The following ZNF536 variants were observed in gnomAD, a reference collection of about 807,000 sequenced individuals.
The protein encoded by ZNF536 is zinc finger protein 536.
Under a neutral mutation model 84.5 loss-of-function variants are expected in ZNF536, and 13 were observed. The ratio of observed to expected loss-of-function variants is 0.15; its 90% CI spans 0.10 to 0.24. The LOEUF is 0.24. Ranked by LOEUF, ZNF536 falls within the 10% of genes least tolerant of loss-of-function variation. The pLI, the probability that ZNF536 is intolerant of heterozygous loss-of-function variation, is 1.00. For synonymous variants in ZNF536, 811 were observed against 742.5 expected (o/e 1.09, Z -1.50); for missense variants, 1,536 against 1,747.5 (o/e 0.88, Z 2.16).
chr19:30,466,607 A>AG (rs1600860368), intron 2 of ZNF536, among the ~76,000 whole-genome samples: 1 of 151,504 alleles, frequency 6.6e-6, no homozygotes, highest in African/African-American at 2.4e-5. Context: ...AGAGAGAAAG[A>AG]AAAGAGAACT....
intron 1 of ZNF536, among the ~76,000 whole-genome samples, chr19:30,400,793 T>C (rs1448228405): frequency 6.6e-6 from 1 of 152,210 alleles, no homozygotes; most frequent in Non-Finnish European, 1.5e-5. Context: ...GCAAACATTT[T>C]CCCCTAGTCT....
At chr19:30,670,363 T>C (rs2050498701) in intron 1 of ZNF536, among the ~76,000 whole-genome samples, 2 of 152,206 alleles carry the variant, frequency 1.3e-5, no homozygotes, top group South Asian at 4.1e-4. Context: ...TGGCATTCAT[T>C]TGGGCTGGGT....
intron 1 of ZNF536, among the ~76,000 whole-genome samples, chr19:30,583,980 A>AGGGT (rs1384254776): frequency 6.6e-6 from 1 of 152,188 alleles, no homozygotes; most frequent in East Asian, 1.9e-4. Flanking sequence ...CCATTGGCTC[A>AGGGT]GGGTGGGATG....
chr19:30,302,688 G>A (rs146036332), intron 2 of ZNF536, among the ~76,000 whole-genome samples: 13 of 152,176 alleles, frequency 8.5e-5, no homozygotes, highest in East Asian at 3.9e-4. Context: ...CTGGTCTCAC[G>A]GACTCCAGAC....
In ZNF536 at chr19:30,402,681, C is replaced by G. The variant is rs551870158; in HGVS notation, c.-3+30125C>G. Among the ~76,000 whole-genome samples, 13 of 151,528 alleles carry G rather than the reference C, an allele frequency of 8.6e-5. No individual in the cohort carries two copies. In the South Asian group the frequency reaches 2.7e-3, roughly 32 times the overall value. Reference sequence around the variant, plus strand: ...CGCGGCCGACGTGGGTTTAAAGATGCAATTCTCAAACTGCCGCCTCCAGAG... The same window carrying G: ...CGCGGCCGACGTGGGTTTAAAGATGGAATTCTCAAACTGCCGCCTCCAGAG... On this transcript the variant is annotated intron_variant, in intron 1 of 4. Coordinates refer to ENST00000355537, the MANE Select transcript of ZNF536 (RefSeq NM_014717.3).
intron 1 of ZNF536, among the ~76,000 whole-genome samples, chr19:30,275,851 GT>G: frequency 6.6e-6 from 1 of 151,930 alleles, no homozygotes; most frequent in East Asian, 1.9e-4. Context: ...GTGTGTGTGT[GT>G]GTGTGTGTAA....
chr19:30,372,112 C>T (rs962282030), upstream of ZNF536, among the ~76,000 whole-genome samples: 1 of 152,190 alleles, frequency 6.6e-6, no homozygotes, highest in African/African-American at 2.4e-5. Flanking sequence ...ATTGGCTCTT[C>T]CCATTTCAGA....
chr19:30,325,881 G>A (rs1354122077), intron 2 of ZNF536, among the ~76,000 whole-genome samples: 2 of 152,136 alleles, frequency 1.3e-5, no homozygotes, highest in African/African-American at 4.8e-5. Context: ...GTGGCTGTGG[G>A]GGTGTCGCCT....
At chr19:30,291,020 A>T (rs1053022640) in intron 2 of ZNF536, among the ~76,000 whole-genome samples, 3 of 152,118 alleles carry the variant, frequency 2.0e-5, no homozygotes, top group Non-Finnish European at 4.4e-5. Flanking sequence ...ACATGAACTC[A>T]TCCTTTTTTA....
intron 2 of ZNF536, among the ~76,000 whole-genome samples, chr19:30,342,648 AGTT>A (rs1285271179): frequency 1.3e-5 from 2 of 152,252 alleles, no homozygotes; most frequent in Non-Finnish European, 2.9e-5. Context: ...GTGGAAGTTA[AGTT>A]GTAACTACCC....
chr19:30,235,859 G>A (rs942134813), intron 1 of ZNF536, among the ~76,000 whole-genome samples: 1 of 152,224 alleles, frequency 6.6e-6, no homozygotes, highest in African/African-American at 2.4e-5. Flanking sequence ...CCAGTTTTGG[G>A]GTTGTAATCT....
chr19:30,431,799 C>G (rs1234066716), intron 1 of ZNF536, among the ~76,000 whole-genome samples: 1 of 152,022 alleles, frequency 6.6e-6, no homozygotes, highest in Non-Finnish European at 1.5e-5. Context: ...AGGGGCTGTG[C>G]GCTGAGGCTG....
At chr19:30,702,410 G>A (rs1330943587) in intron 1 of ZNF536, among the ~76,000 whole-genome samples, 2 of 152,108 alleles carry the variant, frequency 1.3e-5, no homozygotes, top group Non-Finnish European at 2.9e-5. Context: ...GGGAAATGTT[G>A]ATGGCCTCAA....
chr19:30,659,952 GGTGTGTGT>G (rs5827727), intron 1 of ZNF536, among the ~76,000 whole-genome samples: 5 of 101,294 alleles, frequency 4.9e-5, no homozygotes, highest in Admixed American at 8.4e-5. Flanking sequence ...TTGACACAAG[GGTGTGTGT>G]GTGTGTGTGT....
rs371066251 is a variant in ZNF536 at position 30,615,051 on chromosome 19, A to G, written c.169+65537A>G. On this transcript the variant is annotated intron_variant, in intron 1 of 1. Coordinates refer to the ZNF536 transcript ENST00000592773. ...AAGCTCCGCCTCCCGGGTTCACGCC[A>G]TTCTCCTGCCTCAGCCTCCCGTGTA... is the stretch of plus-strand genomic sequence containing the variant. 1.1e-3 allele frequency among the ~76,000 whole-genome samples: 154 copies of G among 134,260 alleles called. 1 individual carries two copies. Among genetic ancestry groups the G allele is most frequent in the African/African-American group, 4.3e-3 (150 of 34,858 alleles). The allele number at this position is 134,260 out of a possible 152,430, so 88.1% of individuals were successfully genotyped here.
intron 2 of ZNF536, among the ~76,000 whole-genome samples, chr19:30,322,350 T>A (rs988559266): frequency 2.0e-5 from 3 of 152,222 alleles, no homozygotes; most frequent in Non-Finnish European, 2.9e-5. Context: ...AGACAATTTT[T>A]CCCCCTCATT....
At chr19:30,481,386 T>C (rs1453651667) in intron 2 of ZNF536, among the ~76,000 whole-genome samples, 1 of 152,188 alleles carries the variant, frequency 6.6e-6, no homozygotes, top group Non-Finnish European at 1.5e-5. Flanking sequence ...CTGGGATCTC[T>C]CTGGTTGCAC....
At chr19:30,237,626 G>T (rs139747125) in intron 1 of ZNF536, among the ~76,000 whole-genome samples, 5 of 152,152 alleles carry the variant, frequency 3.3e-5, no homozygotes, top group African/African-American at 7.2e-5. Context: ...AGGAAACTTT[G>T]TGTATCTTTT....
intron 1 of ZNF536, chr19:30,436,501 A>G (rs993705245): frequency 3.0e-6 from 3 of 985,000 alleles, no homozygotes; most frequent in East Asian, 1.1e-4. Context: ...TGCTCAGCAT[A>G]GCAAGCTCTA....
Sources: gnomAD v4.1 joint callset for allele counts (sites outside exome capture counted in the v4.1 genomes callset) on GRCh38, gnomAD v4.1.1 for gene constraint, MANE v1.5 for transcripts, NCBI Gene and HGNC (gene_info 2026-07-23, HGNC 2026-07-21) for gene names.